Variants in VRK3 observed in about 807,000 individuals in gnomAD.
VRK3 encodes the protein serine/threonine-protein kinase VRK3.
VRK3 carries 50 observed loss-of-function variants against 60.4 expected under a neutral mutation model. The observed-to-expected ratio is 0.83, with a 90% CI of 0.66 to 1.05. VRK3 has a LOEUF of 1.05. Ranked by LOEUF, VRK3 falls within the 50% of genes least tolerant of loss-of-function variation. The pLI is 0.00. For synonymous variants in VRK3, 246 were observed against 227.8 expected, an observed-to-expected ratio of 1.08 and a Z score of -0.72; for missense variants, 549 against 585.3, an observed-to-expected ratio of 0.94 and a Z score of 0.64.
At position 50,000,775 on chromosome 19, in the gene VRK3, T is replaced by G; in HGVS notation, c.612+15A>C. On this transcript the variant is annotated intron_variant, in intron 6 of 14. Transcript: ENST00000316763. Reference sequence around the variant, plus strand: ...CCTCCCCTCCAAGCTGCCCCCCACCTGCAGGGTCACTTACCAGTTTGAGTG... The same window carrying G: ...CCTCCCCTCCAAGCTGCCCCCCACCGGCAGGGTCACTTACCAGTTTGAGTG... 1 of 1,609,574 alleles carries G rather than the reference T, an allele frequency of 6.2e-7. No individual in the cohort carries two copies. The highest frequency in any genetic ancestry group is 1.7e-5 in the Admixed American group (1 of 59,352).
intron 12 of VRK3, 60 bp from the exon 13 acceptor site, chr19:49,981,073 A>G: frequency 6.7e-7 from 1 of 1,482,640 alleles, no homozygotes; most frequent in Non-Finnish European, 9.3e-7. Context: ...ACCTTTTAAA[A>G]CAGAATGCCT....
At chr19:49,984,583 C>T (rs568493445) in intron 12 of VRK3, among the ~76,000 whole-genome samples, 11 of 152,308 alleles carry the variant, frequency 7.2e-5, no homozygotes, top group African/African-American at 2.2e-4. Context: ...GAAGCCTGGG[C>T]GGGCTCAGCA....
chr19:49,984,532 C>T lies in VRK3; in HGVS notation c.1218-3519G>A, dbSNP rs527994990. 5.3e-5 allele frequency among the ~76,000 whole-genome samples: 8 copies of T among 152,342 alleles called. No homozygotes were observed. The East Asian group carries it at 5.8e-4, about 11-fold the overall frequency. On this transcript the variant is annotated intron_variant, in intron 12 of 14. Transcript: ENST00000316763. ...GTGTCTCCTCCCAGCCCTGAACTCC[C>T]GACATTGGGGCTGCGTCTGCCCGAC...
chr19:49,989,681 C>G lies in VRK3; in HGVS notation c.1054G>C (p.Gly352Arg). Residue 352 changes from glycine to arginine, a missense_variant, in exon 11 of 15, where the codon GGG becomes CGG. Gly to Arg is a moderately radical substitution (Grantham distance 125). Transcript: ENST00000316763. ...TCCATGCTAATGAACTCAAGGTCCC[C>G]CTCGTGAGGGCTCCTGCTGCCTTCC... ...YVEGSRSPHE[G>R]DLEFISMDLH... 6.2e-7 allele frequency: 1 copy of G among 1,613,856 alleles called. No homozygotes were observed. The highest frequency in any genetic ancestry group is 8.5e-7 in the Non-Finnish European group (1 of 1,179,808).
intron 3 of VRK3, among the ~76,000 whole-genome samples, chr19:50,012,797 C>T (rs1345905373): frequency 2.0e-5 from 3 of 152,042 alleles, no homozygotes; most frequent in Non-Finnish European, 4.4e-5. Flanking sequence ...ATCGCTTGAA[C>T]CTGGGAGGCA....
At chr19:50,016,487 C>G (rs559144117) in intron 2 of VRK3, among the ~76,000 whole-genome samples, 1 of 152,162 alleles carries the variant, frequency 6.6e-6, no homozygotes, top group African/African-American at 2.4e-5. Flanking sequence ...TCTGCCTCCC[C>G]CTCCACCTGC....
intron 14 of VRK3, among the ~76,000 whole-genome samples, chr19:49,978,203 G>GACAACCAAGTGTCTCCAGAC (rs1488194130): frequency 6.6e-6 from 1 of 152,152 alleles, no homozygotes. Flanking sequence ...CCCGCATCCT[G>GACAACCAAGTGTCTCCAGAC]ACAACCAAGT....
chr19:49,995,074 G>T, intron 8 of VRK3, 117 bp downstream of exon 8: 2 of 1,302,338 alleles, frequency 1.5e-6, no homozygotes, highest in Non-Finnish European at 2.2e-6. Context: ...TCAAAACTAC[G>T]AGAAGGCAGG....
chr19:50,001,584 G>C (rs1203595168), intron 5 of VRK3, among the ~76,000 whole-genome samples: 1 of 152,158 alleles, frequency 6.6e-6, no homozygotes, highest in Non-Finnish European at 1.5e-5. Context: ...TCTGATCCCT[G>C]AGGCAGCTCC....
intron 2 of VRK3, among the ~76,000 whole-genome samples, chr19:50,018,653 G>C (rs1284443271): frequency 2.6e-5 from 4 of 152,204 alleles, no homozygotes; most frequent in Non-Finnish European, 2.9e-5. Context: ...AAGTTAGCCA[G>C]ACTAACTTAG....
chr19:50,024,747 G>A (rs2077236223), intron 1 of VRK3, among the ~76,000 whole-genome samples: 1 of 152,204 alleles, frequency 6.6e-6, no homozygotes, highest in African/African-American at 2.4e-5. Context: ...GGCCAGGTCA[G>A]GACTTGAAAC....
At chr19:50,022,012 C>A (rs956014420) in intron 1 of VRK3, among the ~76,000 whole-genome samples, 2 of 152,204 alleles carry the variant, frequency 1.3e-5, no homozygotes, top group African/African-American at 2.4e-5. Flanking sequence ...TTTAATCTTT[C>A]CCTCCACTCT....
intron 12 of VRK3, chr19:49,986,734 G>A (rs2076522894): frequency 6.6e-6 from 1 of 152,152 alleles, no homozygotes; most frequent in Non-Finnish European, 1.5e-5. Flanking sequence ...TTTACTGGAG[G>A]GTTCACCCTC....
chr19:49,982,892 G>A (rs2076447489), intron 12 of VRK3, among the ~76,000 whole-genome samples: 1 of 152,030 alleles, frequency 6.6e-6, no homozygotes, highest in Non-Finnish European at 1.5e-5. Context: ...TGGCCCATCG[G>A]GCCAGCTCCC....
chr19:49,984,794 GCTA>G (rs1314907268), intron 12 of VRK3, among the ~76,000 whole-genome samples: 8 of 152,074 alleles, frequency 5.3e-5, no homozygotes, highest in South Asian at 2.1e-4. Flanking sequence ...ACCACACCCG[GCTA>G]CTTTTTTTGT....
rs1050334804 is a variant in VRK3, at chr19:50,020,666, G to A, written c.-64-19C>T. The A allele has an allele frequency of 6.6e-6, 1 of 152,318 alleles. No individual in the cohort carries two copies. The highest frequency in any genetic ancestry group is 2.4e-5 in the African/African-American group (1 of 41,470). 9.4% of individuals were successfully genotyped at this position (152,318 alleles called of 1,614,324 possible). A position where few individuals can be genotyped will look rare whatever the true frequency, so the allele number is the denominator to read the frequency against. On this transcript the variant is annotated intron_variant, in intron 1 of 14. Transcript: ENST00000316763. Reference sequence around the variant, plus strand: ...CAGCGACCTGTAAGTGAACAAAAGTGGAGAGGCTGACTCATGCTTTCACAT... The same window carrying A: ...CAGCGACCTGTAAGTGAACAAAAGTAGAGAGGCTGACTCATGCTTTCACAT...
rs2076907063 is a variant in VRK3 at position 50,007,142 on chromosome 19, C to T, written c.547+427G>A. 2.0e-5 allele frequency among the ~76,000 whole-genome samples: 3 copies of T among 152,350 alleles called. No individual in the cohort carries two copies. The South Asian group carries it at 6.2e-4, about 32-fold the overall frequency. On this transcript the variant is annotated intron_variant, in intron 5 of 14. Coordinates refer to ENST00000316763, the MANE Select transcript of VRK3 (RefSeq NM_016440.4). ...ATGTAAGCAATAAACCTCTCACATC[C>T]TCTTGGTGTGTGTGTGACATCATCA...
chr19:49,983,362 T>G lies in VRK3; in HGVS notation c.1218-2349A>C, dbSNP rs985026789. On this transcript the variant is annotated intron_variant, in intron 12 of 14. Transcript: ENST00000316763. Reference sequence around the variant, plus strand: ...TCCCTTTGAGATACAGCTCGAGGGCTTGGCCTCCCAAGAAGTCTTCCCCAG... The same window carrying G: ...TCCCTTTGAGATACAGCTCGAGGGCGTGGCCTCCCAAGAAGTCTTCCCCAG... 3.3e-5 allele frequency among the ~76,000 whole-genome samples: 5 copies of G among 152,230 alleles called. No individual in the cohort carries two copies. The East Asian group carries it at 9.6e-4, about 29-fold the overall frequency.
At chr19:49,981,600 T>C (rs1354890276) in intron 12 of VRK3, 16 of 674,238 alleles carry the variant, frequency 2.4e-5, no homozygotes, top group Non-Finnish European at 2.9e-5. Context: ...TCTGTTGAAA[T>C]ACATCTTATG....
Sources: gnomAD v4.1 joint callset for allele counts (sites outside exome capture counted in the v4.1 genomes callset) on GRCh38, gnomAD v4.1.1 for gene constraint, MANE v1.5 for transcripts, NCBI Gene and HGNC (gene_info 2026-07-23, HGNC 2026-07-21) for gene names.